QSOX2: variants seen among roughly 807,000 people sequenced by gnomAD.
The protein encoded by QSOX2 is sulfhydryl oxidase 2.
Under a neutral mutation model 61.7 loss-of-function variants are expected in QSOX2, and 46 were observed. That is an observed-to-expected ratio of 0.75 (90% CI 0.59 to 0.95). The LOEUF (loss-of-function observed/expected upper bound fraction) is 0.95. Among genes scored for constraint, QSOX2 ranks in the 40% least tolerant of loss-of-function variants. The pLI is 0.00. For missense variants in QSOX2, 879 were observed against 918.9 expected, an observed-to-expected ratio of 0.96 and a Z score of 0.56; for synonymous variants, 383 against 388.4, an observed-to-expected ratio of 0.99 and a Z score of 0.16.
chr9:136,238,020 A>G (rs965455273), intron 1 of QSOX2, among the ~76,000 whole-genome samples: 2 of 152,242 alleles, frequency 1.3e-5, no homozygotes, highest in African/African-American at 4.8e-5. Context: ...TCTACCAGAC[A>G]GATGAGGTCG....
chr9:136,233,410 G>C (rs551450214), intron 1 of QSOX2, among the ~76,000 whole-genome samples: 9 of 152,306 alleles, frequency 5.9e-5, no homozygotes, highest in African/African-American at 2.2e-4. Context: ...CTCTAGATCT[G>C]GGGTCCTAAG....
rs928242771 is a variant in QSOX2, at chr9:136,226,808, T to C, written c.395A>G (p.His132Arg). The C allele has an allele frequency of 3.7e-6, 6 of 1,614,070 alleles. No individual in the cohort carries two copies. The highest frequency in any genetic ancestry group is 1.6e-4 in the Middle Eastern group (1 of 6,084). Reference sequence around the variant, plus strand: ...GGGGTAGAAGTGGATGTCGTAGTCATGGCACACGGCCTGGTTCTTCTCTTC... The same window carrying C: ...GGGGTAGAAGTGGATGTCGTAGTCACGGCACACGGCCTGGTTCTTCTCTTC... ...CMEEKNQAVC[H>R]DYDIHFYPTF... Residue 132 changes from histidine (H) to arginine (R), a missense_variant, in exon 2 of 12, where the codon CAT becomes CGT. Coordinates refer to ENST00000358701, the MANE Select transcript of QSOX2 (RefSeq NM_181701.4).
At chr9:136,213,549 G>A (rs892769496) in intron 10 of QSOX2, among the ~76,000 whole-genome samples, 3 of 151,522 alleles carry the variant, frequency 2.0e-5, no homozygotes, top group African/African-American at 7.3e-5. Flanking sequence ...AGGATTTGAG[G>A]TTAAAACCCA....
chr9:136,225,681 G>A (rs1027001886), intron 2 of QSOX2, among the ~76,000 whole-genome samples: 17 of 152,344 alleles, frequency 1.1e-4, no homozygotes, highest in African/African-American at 3.4e-4. Flanking sequence ...CCCCTTGCCC[G>A]GGAAGGCGCA....
intron 2 of QSOX2, 42 bp from the exon 3 acceptor site, chr9:136,224,951 T>C (rs1349008870): frequency 1.5e-5 from 23 of 1,491,028 alleles, no homozygotes; most frequent in Admixed American, 3.6e-5. Flanking sequence ...CAGCCTTCCA[T>C]GGGCATCTGC....
intron 1 of QSOX2, among the ~76,000 whole-genome samples, chr9:136,232,851 G>T (rs181833102): frequency 5.5e-5 from 8 of 146,176 alleles, no homozygotes; most frequent in Admixed American, 4.9e-4. Context: ...AGCTCAGGAG[G>T]TCAAGGCTGC....
intron 9 of QSOX2, 79 bp from the exon 10 acceptor site, chr9:136,215,383 T>C: frequency 2.9e-6 from 2 of 685,454 alleles, no homozygotes; most frequent in Non-Finnish European, 4.3e-6. Context: ...AGCTGCCTTC[T>C]TGACTGGGGG....
At chr9:136,214,616 C>T (rs534853738) in intron 10 of QSOX2, among the ~76,000 whole-genome samples, 81 of 152,314 alleles carry the variant, frequency 5.3e-4, no homozygotes, top group African/African-American at 1.2e-3. Flanking sequence ...AAGCCACTCT[C>T]CCCAGGTGGG....
Position 136,208,544 on chromosome 9 carries a change from G to T in QSOX2, c.*184C>A. 1.6e-6 allele frequency: 1 copy of T among 643,042 alleles called. No homozygotes were observed. The allele number at this position is 643,042 out of a possible 1,614,324, so 39.8% of individuals were successfully genotyped here. A position where few individuals can be genotyped will look rare whatever the true frequency, so the allele number is the denominator to read the frequency against. On this transcript the variant is annotated 3_prime_UTR_variant, in exon 12 of 12. Transcript: ENST00000358701. The stretch of plus-strand genomic sequence containing the variant: ...GCAAATATCCCCACAAAATTACCCC[G>T]TGTTCTTCCCTTGTTAGAAGAGCGT...
chr9:136,245,235 G>A (rs1419221442), intron 1 of QSOX2, among the ~76,000 whole-genome samples: 1 of 152,176 alleles, frequency 6.6e-6, no homozygotes, highest in African/African-American at 2.4e-5. Context: ...AGCCCAACTC[G>A]TCAGGATCTA....
chr9:136,238,286 C>T (rs1830406714), intron 1 of QSOX2, among the ~76,000 whole-genome samples: 1 of 152,234 alleles, frequency 6.6e-6, no homozygotes, highest in Non-Finnish European at 1.5e-5. Flanking sequence ...AGAGCCGTGC[C>T]CTGGGCAGGA....
intron 1 of QSOX2, among the ~76,000 whole-genome samples, chr9:136,241,975 C>T (rs1830437057): frequency 6.6e-6 from 1 of 152,238 alleles, no homozygotes; most frequent in Non-Finnish European, 1.5e-5. Flanking sequence ...GAGATCTCAC[C>T]GGTCAGACGG....
At position 136,209,868 on chromosome 9, in the gene QSOX2, G is replaced by A; in HGVS notation, c.1550-593C>T. 2 of 985,402 alleles carry A rather than the reference G, an allele frequency of 2.0e-6. No homozygotes were observed. The highest frequency in any genetic ancestry group is 2.4e-6 in the Non-Finnish European group (2 of 829,918). The allele number at this position is 985,402 out of a possible 1,614,324, so 61.0% of individuals were successfully genotyped here. On this transcript the variant is annotated intron_variant, in intron 11 of 11. Coordinates refer to ENST00000358701, the MANE Select transcript of QSOX2 (RefSeq NM_181701.4). The surrounding 1 kb of genome is among the most constrained non-coding windows in gnomAD (Gnocchi z 5.6). ...TTCAAGATCTCCAAAACTCGTTTCT[G>A]AAGTGACATGTGCTCACTTCCAGGC...
intron 11 of QSOX2, chr9:136,210,608 G>A: frequency 1.0e-6 from 1 of 985,470 alleles, no homozygotes; most frequent in Middle Eastern, 5.2e-4. Flanking sequence ...GGCCCCGGCA[G>A]TCAGGCTCAG....
intron 1 of QSOX2, among the ~76,000 whole-genome samples, chr9:136,230,749 C>A (rs959563105): frequency 5.3e-5 from 8 of 152,172 alleles, no homozygotes; most frequent in Admixed American, 4.6e-4. Context: ...CATTCTGAAC[C>A]GAGCTGGAAG....
At position 136,208,948 on chromosome 9, in the gene QSOX2, T is replaced by C; in HGVS notation, c.1877A>G (p.His626Arg). Residue 626 changes from histidine (H) to arginine (R), a missense_variant, in exon 12 of 12, where the codon CAT (histidine) becomes CGT (arginine). Transcript: ENST00000358701. Reference protein sequence around the residue: ...GPRPALPESLHHSLDGKLQSL... With the variant: ...GPRPALPESLRHSLDGKLQSL... ...CTGGAGTTTCCCGTCCAAGCTGTGA[T>C]GCAAGCTCTCTGGAAGGGCAGGCCT... 2 of 1,613,694 alleles carry C rather than the reference T, an allele frequency of 1.2e-6. No homozygotes were observed. The highest frequency in any genetic ancestry group is 1.3e-5 in the African/African-American group (1 of 75,024).
At position 136,219,226 on chromosome 9, in the gene QSOX2, C is replaced by T. The variant is rs537306703; in HGVS notation, c.822-62G>A. On this transcript the variant is annotated intron_variant, in intron 6 of 11. Coordinates refer to ENST00000358701, the MANE Select transcript of QSOX2 (RefSeq NM_181701.4). ...CCTTTATAAAATCCTAAAGTAGGAGCCGTGGCATTCAGGACAGCTCTGGGC... is the reference window on the plus strand; with the variant it reads ...CCTTTATAAAATCCTAAAGTAGGAGTCGTGGCATTCAGGACAGCTCTGGGC... 45 of 1,570,374 alleles carry T rather than the reference C, an allele frequency of 2.9e-5. No homozygotes were observed. In the Admixed American group the frequency reaches 5.8e-4, roughly 20 times the overall value.
At chr9:136,218,563 G>A in intron 8 of QSOX2, 116 bp downstream of exon 8, 1 of 1,275,324 alleles carries the variant, frequency 7.8e-7, no homozygotes, top group Non-Finnish European at 1.1e-6. Context: ...GACAAAGCAA[G>A]GTGGAGAGCA....
chr9:136,223,803 G>A lies in QSOX2; in HGVS notation c.635C>T (p.Ala212Val), dbSNP rs1244079700. The change falls in exon 5 of 12, where the codon GCT (alanine) becomes GTT (valine). Residue 212 changes from alanine to valine, a missense_variant. Ala to Val is a moderately conservative substitution (Grantham distance 64). Coordinates refer to ENST00000358701, the MANE Select transcript of QSOX2 (RefSeq NM_181701.4). This position sits in a 1 kb window ranked among gnomAD's most constrained non-coding sequence, Gnocchi z 4.4. ...GGAGCTGTTGCTTTCAAAGACAATA[G>A]CCACGTAATGGCTGCCACGGTTGTC... Reference protein sequence around the residue: ...LLDNRGSHYVAIVFESNSSYL... With the variant: ...LLDNRGSHYVVIVFESNSSYL... 3.1e-6 allele frequency: 5 copies of A among 1,614,030 alleles called. No individual in the cohort carries two copies. The highest frequency in any genetic ancestry group is 1.7e-5 in the Admixed American group (1 of 60,010).
Sources: allele counts gnomAD v4.1 joint callset (sites outside exome capture counted in the v4.1 genomes callset), GRCh38; gene constraint gnomAD v4.1.1; non-coding constraint Gnocchi (gnomAD v3.1); transcripts MANE v1.5; gene names NCBI Gene and HGNC (gene_info 2026-07-23, HGNC 2026-07-21).